The following FSTL3 variants were observed in gnomAD, a reference collection of about 807,000 sequenced individuals.
FSTL3 encodes follistatin like 3, also known as follistatin-related protein 3.
A neutral mutation model predicts 28.1 loss-of-function variants in FSTL3; 21 were observed. That is an observed-to-expected ratio of 0.75 (90% confidence interval 0.53 to 1.08). The LOEUF is 1.08. FSTL3 is among the 50% of genes least tolerant of loss of function. The pLI, the probability that FSTL3 is intolerant of heterozygous loss-of-function variation, is 0.00. For synonymous variants in FSTL3, 199 were observed against 164.2 expected (o/e 1.21, Z -1.62); for missense variants, 400 against 380.9 (o/e 1.05, Z -0.42).
Position 682,001 on chromosome 19 carries a change from C to T in FSTL3, c.*293C>T. On this transcript the variant is annotated 3_prime_UTR_variant, in exon 5 of 5. Coordinates refer to ENST00000166139, the MANE Select transcript of FSTL3 (RefSeq NM_005860.3). ...TAAGACCTATTGCCGGGGAGGATTC[C>T]ACACTTCCGCTCCTTTGGGGATAAA... 1.9e-6 allele frequency: 1 copy of T among 537,616 alleles called. No homozygotes were observed. Among genetic ancestry groups the T allele is most frequent in the South Asian group, 2.2e-5 (1 of 45,192 alleles). The allele number at this position is 537,616 out of a possible 1,614,324, so 33.3% of individuals were successfully genotyped here.
chr19:681,424 C>G lies in FSTL3; in HGVS notation c.597C>G (p.Pro199=), dbSNP rs144365258. 1 of 1,597,674 alleles carries G rather than the reference C, an allele frequency of 6.3e-7. No homozygotes were observed. The highest frequency in any genetic ancestry group is 1.1e-5 in the South Asian group (1 of 90,724). ...SAHCVVCRAA[P]CPVPSSPGQE... is the part of the protein sequence containing the mutation. ...ACTGCGTGGTGTGTCGAGCGGCGCC[C>G]TGCCCTGTGCCCTCCAGCCCCGGCC... Residue 199 remains proline (P), a synonymous_variant, in exon 4 of 5, where the codon CCC becomes CCG. Coordinates refer to ENST00000166139, the MANE Select transcript of FSTL3 (RefSeq NM_005860.3).
chr19:681,414 G>C lies in FSTL3; in HGVS notation c.587G>C (p.Arg196Pro), dbSNP rs2031330862. 1.3e-6 allele frequency: 2 copies of C among 1,596,208 alleles called. No individual in the cohort carries two copies. The highest frequency in any genetic ancestry group is 1.7e-5 in the Admixed American group (1 of 59,582). The change falls in exon 4 of 5, where the codon CGA becomes CCA. Residue 196 changes from arginine (R) to proline (P), a missense_variant. By Grantham distance (103) the Arg-to-Pro change is moderately radical (BLOSUM62 -2). Coordinates refer to ENST00000166139, the MANE Select transcript of FSTL3 (RefSeq NM_005860.3). ...QTGSAHCVVC[R>P]AAPCPVPSSP... The stretch of plus-strand genomic sequence containing the variant: ...GGCAGCGCCCACTGCGTGGTGTGTC[G>C]AGCGGCGCCCTGCCCTGTGCCCTCC...
At position 682,162 on chromosome 19, in the gene FSTL3, GGTCT is replaced by G. The variant is rs2031351513; in HGVS notation, c.*455_*458del. The G allele has an allele frequency of 1.5e-5, 5 of 337,970 alleles. No homozygotes were observed. The highest frequency in any genetic ancestry group is 2.8e-5 in the Non-Finnish European group (5 of 178,524). The allele number at this position is 337,970 out of a possible 1,614,324, so 20.9% of individuals were successfully genotyped here. ...GGGTCTAGCCTGGGTGTGTACGGAG[GGTCT>G]AGCCTGGGTGAGTACGGAGGGTCTA... On this transcript the variant is annotated 3_prime_UTR_variant, in exon 5 of 5. Coordinates refer to ENST00000166139, the MANE Select transcript of FSTL3 (RefSeq NM_005860.3).
At chr19:680,009 C>CCCA (rs35616330) in intron 2 of FSTL3, 26 of 200,736 alleles carry the variant, frequency 1.3e-4, no homozygotes, top group African/African-American at 6.5e-4. Context: ...AGACCCCCCC[C>CCCA]CGCCCCGGCC....
intron 2 of FSTL3, 26 bp downstream of exon 2, chr19:678,003 C>T (rs1436160072): frequency 6.2e-7 from 1 of 1,600,594 alleles, no homozygotes; most frequent in Admixed American, 1.7e-5. Context: ...AGAAGCAGGG[C>T]AGACGTCTCA....
At chr19:680,778 AG>A in intron 3 of FSTL3, 1 of 318,652 alleles carries the variant, frequency 3.1e-6, no homozygotes, top group Non-Finnish European at 5.7e-6. Context: ...GGCCTGAGTA[AG>A]GGCGTCTTTA....
Position 677,940 on chromosome 19 carries a change from C to T in FSTL3, c.252C>T (p.Leu84=), listed in dbSNP as rs775187226. The change falls in exon 2 of 5, where the codon CTC becomes CTT. Residue 84 remains leucine, a synonymous_variant. Transcript: ENST00000166139. ...LTHPGNKINL[L]GFLGLVHCLP... ...ACCCGGGGAACAAGATCAACCTCCT[C>T]GGCTTCTTGGGCCTTGTCCACTGCC... 15 of 1,613,424 alleles carry T rather than the reference C, an allele frequency of 9.3e-6. No individual in the cohort carries two copies. The highest frequency in any genetic ancestry group is 6.7e-5 in the African/African-American group (5 of 74,934).
chr19:680,996 G>T (rs75532405), intron 3 of FSTL3: 2 of 382,746 alleles, frequency 5.2e-6, no homozygotes, highest in East Asian at 9.9e-5. Flanking sequence ...GGGGCTCTTG[G>T]CTGGGGCGTG....
rs1435620440 is a variant in FSTL3 at position 678,510 on chromosome 19, T to G, written c.289+533T>G. Among the ~76,000 whole-genome samples, 10 of 121,766 alleles carry G rather than the reference T, an allele frequency of 8.2e-5. 1 individual carries two copies. The highest frequency in any genetic ancestry group is 6.5e-4 in the South Asian group (2 of 3,096). 79.9% of individuals were successfully genotyped at this position (121,766 alleles called of 152,430 possible). A position where few individuals can be genotyped will look rare whatever the true frequency, so the allele number is the denominator to read the frequency against. ...ACTGGAGGATGATGGTTTTTTTTTT[T>G]TTTTTTTTTTTTTTTCCTGAGATGG... On this transcript the variant is annotated intron_variant, in intron 2 of 4. Transcript: ENST00000166139.
chr19:676,627 G>GGCGGC, intron 1 of FSTL3, 101 bp downstream of exon 1: 2 of 324,850 alleles, frequency 6.2e-6, no homozygotes, highest in Non-Finnish European at 1.0e-5. Context: ...GCGGCGGCGG[G>GGCGGC]GGCGAGGGCG....
At chr19:680,624 G>C (rs1358332445) in intron 3 of FSTL3, 135 bp downstream of exon 3, 2 of 508,240 alleles carry the variant, frequency 3.9e-6, no homozygotes, top group African/African-American at 2.0e-5. Context: ...TGACGTATCG[G>C]GGCTGCTACC....
At position 682,904 on chromosome 19, in the gene FSTL3, G is replaced by A. The variant is rs909027675; in HGVS notation, c.*1196G>A. 1 of 232,632 alleles carries A rather than the reference G, an allele frequency of 4.3e-6. No individual in the cohort carries two copies. Among genetic ancestry groups the A allele is most frequent in the Non-Finnish European group, 8.5e-6 (1 of 117,758 alleles). The allele number at this position is 232,632 out of a possible 1,614,324, so 14.4% of individuals were successfully genotyped here. ...CGGAGTCCTGGAGCCGGGTGTCCCA[G>A]TGGCACCACTAGGTGCCTGCTGCCT... On this transcript the variant is annotated 3_prime_UTR_variant, in exon 5 of 5. Transcript: ENST00000166139.
In FSTL3 at chr19:681,246, G is replaced by A. The variant is rs2031326682; in HGVS notation, c.506-87G>A. ...CCTACCAGAGGGTTTTCGCATCTTG[G>A]GGGTTAAGGGTGGGTCTTGGGGCCA... On this transcript the variant is annotated intron_variant, in intron 3 of 4. Coordinates refer to ENST00000166139, the MANE Select transcript of FSTL3 (RefSeq NM_005860.3). 5.4e-6 allele frequency: 5 copies of A among 934,492 alleles called. No homozygotes were observed. The Admixed American group carries it at 1.1e-4, about 21-fold the overall frequency. The allele number at this position is 934,492 out of a possible 1,614,324, so 57.9% of individuals were successfully genotyped here. A position where few individuals can be genotyped will look rare whatever the true frequency, so the allele number is the denominator to read the frequency against.
intron 1 of FSTL3, among the ~76,000 whole-genome samples, chr19:677,590 G>A (rs1200610513): frequency 1.3e-5 from 2 of 151,906 alleles, no homozygotes; most frequent in Non-Finnish European, 2.9e-5. Flanking sequence ...GGGGGGGCAC[G>A]TGGAGCTCAG....
intron 2 of FSTL3, 72 bp downstream of exon 2, chr19:678,049 G>C: frequency 1.4e-6 from 2 of 1,443,036 alleles, no homozygotes; most frequent in Non-Finnish European, 1.9e-6. Context: ...TGGTGGTCGA[G>C]GGCCGAACGT....
At chr19:680,105 C>T (rs1311542717) in intron 2 of FSTL3, 169 bp from the exon 3 acceptor site, 5 of 343,236 alleles carry the variant, frequency 1.5e-5, no homozygotes, top group African/African-American at 1.1e-4. Flanking sequence ...GACCCTGAGC[C>T]CTGCCCCTGG....
In FSTL3 at chr19:680,284, C is replaced by T. The variant is rs376812227; in HGVS notation, c.300C>T (p.Asp100=). ...GTCCTCTGTCCGCAGATTCGTGCGA[C>T]GGCGTGGAGTGCGGCCCGGGCAAGG... ...VHCLPCKDSC[D]GVECGPGKAC... The change falls in exon 3 of 5, where the codon GAC becomes GAT. Residue 100 remains aspartate, a synonymous_variant. Coordinates refer to ENST00000166139, the MANE Select transcript of FSTL3 (RefSeq NM_005860.3). The T allele has an allele frequency of 8.2e-5, 109 of 1,322,640 alleles. 4 individuals are homozygous for T. The East Asian group carries it at 1.3e-3, about 16-fold the overall frequency. The allele number at this position is 1,322,640 out of a possible 1,614,324, so 81.9% of individuals were successfully genotyped here.
chr19:676,525 C>T lies in FSTL3; in HGVS notation c.102C>T (p.Pro34=). 6 of 752,760 alleles carry T rather than the reference C, an allele frequency of 8.0e-6. No homozygotes were observed. Among genetic ancestry groups the T allele is most frequent in the Admixed American group, 5.5e-5 (1 of 18,256 alleles). The allele number at this position is 752,760 out of a possible 1,614,324, so 46.6% of individuals were successfully genotyped here. ...CCATGGGCTCGGGGAACCCCGCGCC[C>T]GGTGAGTGGGGCGGCCAGAGGGGCG... ...VSSMGSGNPA[P]GGVCWLQQGQ... is the part of the protein sequence containing the mutation. Residue 34 remains proline, a splice_region_variant and synonymous_variant, in exon 1 of 5, where the codon CCC becomes CCT. Coordinates refer to ENST00000166139, the MANE Select transcript of FSTL3 (RefSeq NM_005860.3).
At chr19:680,051 G>A in intron 2 of FSTL3, 1 of 119,416 alleles carries the variant, frequency 8.4e-6, no homozygotes. Flanking sequence ...CCGCCCCCCA[G>A]CGCAGGCGCA....
Sources: gnomAD v4.1 joint callset for allele counts (sites outside exome capture counted in the v4.1 genomes callset) on GRCh38, gnomAD v4.1.1 for gene constraint, MANE v1.5 for transcripts, NCBI Gene and HGNC (gene_info 2026-07-23, HGNC 2026-07-21) for gene names.